The following CNBD1 variants were observed in gnomAD, a reference collection of about 807,000 sequenced individuals.
CNBD1 encodes the protein cyclic nucleotide-binding domain-containing protein 1.
In CNBD1, 71 loss-of-function variants were observed where a neutral mutation model predicts 54.4. The ratio of observed to expected loss-of-function variants is 1.30; its 90% CI spans 1.08 to 1.59. The LOEUF is 1.59. CNBD1 is among the 40% of genes most tolerant of loss of function. The pLI is 0.00. For synonymous variants in CNBD1, 182 were observed against 170.7 expected, an observed-to-expected ratio of 1.07 and a Z score of -0.51; for missense variants, 659 against 518.0, an observed-to-expected ratio of 1.27 and a Z score of -2.64.
At chr8:87,109,265 C>G (rs944699048) in intron 4 of CNBD1, among the ~76,000 whole-genome samples, 1 of 152,040 alleles carries the variant, frequency 6.6e-6, no homozygotes, top group African/African-American at 2.4e-5. Context: ...ATTCATAGGA[C>G]TATTTTGTCT....
chr8:87,248,739 G>A (rs370215449), intron 6 of CNBD1, among the ~76,000 whole-genome samples: 12 of 152,190 alleles, frequency 7.9e-5, no homozygotes, highest in African/African-American at 2.9e-4. Context: ...GTCTTTTGAT[G>A]TCCCCTCATT....
intron 4 of CNBD1, among the ~76,000 whole-genome samples, chr8:87,023,737 G>C (rs150892880): frequency 4.5e-4 from 68 of 152,256 alleles, no homozygotes; most frequent in African/African-American, 1.4e-3. Context: ...GAGTGAACCT[G>C]CTTTGTTAGT....
intron 10 of CNBD1, among the ~76,000 whole-genome samples, chr8:87,369,194 A>C (rs1312221687): frequency 6.6e-6 from 1 of 152,006 alleles, no homozygotes; most frequent in East Asian, 1.9e-4. Flanking sequence ...ACATGTATTT[A>C]GGAAGGAAAC....
chr8:87,178,284 G>T (rs1484694322), intron 4 of CNBD1, among the ~76,000 whole-genome samples: 1 of 152,160 alleles, frequency 6.6e-6, no homozygotes, highest in Non-Finnish European at 1.5e-5. Context: ...CAAGAGTAGA[G>T]GTGGATAATT....
intron 4 of CNBD1, among the ~76,000 whole-genome samples, chr8:87,083,562 T>G (rs890417971): frequency 1.3e-5 from 2 of 151,852 alleles, no homozygotes; most frequent in South Asian, 2.1e-4. Context: ...TGCTTTTGAC[T>G]TCTGGACCAA....
At position 86,989,800 on chromosome 8, in the gene CNBD1, T is replaced by C. The variant is rs190494086; in HGVS notation, c.431+50046T>C. On this transcript the variant is annotated intron_variant, in intron 4 of 10. Transcript: ENST00000518476. ...TATAGTGCTTGTACTAATTTACAAT[T>C]CCCATCAACAGTGTACGAGGGTTCC... Among the ~76,000 whole-genome samples, 361 of 152,252 alleles carry C rather than the reference T, an allele frequency of 2.4e-3. 2 individuals carry two copies. Among genetic ancestry groups the C allele is most frequent in the African/African-American group, 8.5e-3 (352 of 41,552 alleles).
chr8:87,109,699 C>T (rs895974152), intron 4 of CNBD1, among the ~76,000 whole-genome samples: 12 of 151,726 alleles, frequency 7.9e-5, no homozygotes, highest in Non-Finnish European at 1.5e-4. Flanking sequence ...CCACCACACC[C>T]GGCTAATTTT....
At chr8:87,271,945 C>T (rs1190003025) in intron 6 of CNBD1, among the ~76,000 whole-genome samples, 1 of 151,892 alleles carries the variant, frequency 6.6e-6, no homozygotes, top group African/African-American at 2.4e-5. Context: ...AAAATCATGT[C>T]AACTGCAACA....
intron 4 of CNBD1, among the ~76,000 whole-genome samples, chr8:86,981,573 T>A (rs748296138): frequency 6.6e-6 from 1 of 152,216 alleles, no homozygotes; most frequent in Non-Finnish European, 1.5e-5. Context: ...TTTATGCCCC[T>A]TTGCAGTACA....
At chr8:87,310,950 C>T (rs1013150677) in intron 8 of CNBD1, among the ~76,000 whole-genome samples, 1 of 151,960 alleles carries the variant, frequency 6.6e-6, no homozygotes, top group African/African-American at 2.4e-5. Context: ...AAAATTAAGT[C>T]GAGATGGAGA....
chr8:86,993,727 A>AT (rs1181299606), intron 4 of CNBD1, among the ~76,000 whole-genome samples: 2 of 152,130 alleles, frequency 1.3e-5, no homozygotes, highest in Non-Finnish European at 2.9e-5. Context: ...TTAAAAGAAT[A>AT]TTTTTGGTGT....
Position 87,229,005 on chromosome 8 carries a change from C to T in CNBD1, c.578-7914C>T, listed in dbSNP as rs183451369. 4.5e-3 allele frequency among the ~76,000 whole-genome samples: 683 copies of T among 152,248 alleles called. 3 individuals carry two copies. The highest frequency in any genetic ancestry group is 6.6e-3 in the Non-Finnish European group (450 of 68,006). ...TCGGGTGGGAGTGACCCGATTTTCC[C>T]GATTTTCCAGGTGCGGTCCCTCACC... On this transcript the variant is annotated intron_variant, in intron 5 of 10. Transcript: ENST00000518476.
intron 4 of CNBD1, among the ~76,000 whole-genome samples, chr8:87,070,221 T>A (rs1394054499): frequency 6.6e-6 from 1 of 152,102 alleles, no homozygotes; most frequent in Non-Finnish European, 1.5e-5. Flanking sequence ...GAATTGTCAT[T>A]CTGTCACCAC....
downstream of CNBD1, among the ~76,000 whole-genome samples, chr8:87,386,510 A>G (rs1178812133): frequency 2.0e-5 from 3 of 152,206 alleles, no homozygotes; most frequent in Middle Eastern, 3.2e-3. Flanking sequence ...AAGAATGGGT[A>G]TCAGTGATTG....
intron 4 of CNBD1, among the ~76,000 whole-genome samples, chr8:87,178,244 G>T (rs1401155225): frequency 2.0e-5 from 3 of 152,172 alleles, no homozygotes; most frequent in South Asian, 4.1e-4. Context: ...CATGATTAGT[G>T]TTATGAATGA....
In CNBD1 at chr8:87,004,292, G is replaced by T. The variant is rs527844399; in HGVS notation, c.431+64538G>T. On this transcript the variant is annotated intron_variant, in intron 4 of 10. Coordinates refer to ENST00000518476, the MANE Select transcript of CNBD1 (RefSeq NM_173538.3). Reference sequence around the variant, plus strand: ...GGAGCAGGCACTTCTCATGGTGAAGGCAGGAGTAAGATGCACTCAAAGTTA... The same window carrying T: ...GGAGCAGGCACTTCTCATGGTGAAGTCAGGAGTAAGATGCACTCAAAGTTA... Among the ~76,000 whole-genome samples, 5 of 152,242 alleles carry T rather than the reference G, an allele frequency of 3.3e-5. No individual in the cohort carries two copies. The East Asian group carries it at 9.7e-4, about 30-fold the overall frequency.
chr8:86,900,947 G>C (rs1450200435), intron 2 of CNBD1, among the ~76,000 whole-genome samples: 1 of 152,080 alleles, frequency 6.6e-6, no homozygotes, highest in Non-Finnish European at 1.5e-5. Context: ...ATGGCATGTG[G>C]AACTTCTTTG....
intron 4 of CNBD1, among the ~76,000 whole-genome samples, chr8:87,089,640 A>C (rs1811166729): frequency 6.6e-6 from 1 of 152,094 alleles, no homozygotes; most frequent in South Asian, 2.1e-4. Context: ...TCTTTCAATA[A>C]AGAAATTTTC....
intron 6 of CNBD1, among the ~76,000 whole-genome samples, chr8:87,261,829 C>A (rs116579361): frequency 6.6e-6 from 1 of 151,938 alleles, no homozygotes; most frequent in African/African-American, 2.4e-5. Context: ...TTGCTTTAAC[C>A]GTTTCTAGTA....
Sources: allele counts gnomAD v4.1 joint callset (sites outside exome capture counted in the v4.1 genomes callset), GRCh38; gene constraint gnomAD v4.1.1; transcripts MANE v1.5; gene names NCBI Gene and HGNC (gene_info 2026-07-23, HGNC 2026-07-21).